The following GOLPH3 variants were observed in gnomAD, a reference collection of about 807,000 sequenced individuals.
GOLPH3 encodes coat protein GPP34.
In GOLPH3, 14 loss-of-function variants were observed where a neutral mutation model predicts 28.5. That is an observed-to-expected ratio of 0.49 (90% CI 0.32 to 0.77). GOLPH3 has a LOEUF of 0.77. Among genes scored for constraint, GOLPH3 ranks in the 30% least tolerant of loss-of-function variants. GOLPH3 has a pLI of 0.03. For missense variants in GOLPH3, 350 were observed against 393.7 expected, an observed-to-expected ratio of 0.89 and a Z score of 0.94; for synonymous variants, 158 against 159.2, an observed-to-expected ratio of 0.99 and a Z score of 0.06.
intron 1 of GOLPH3, among the ~76,000 whole-genome samples, chr5:32,144,464 C>T (rs1746147086): frequency 6.6e-6 from 1 of 152,166 alleles, no homozygotes; most frequent in South Asian, 2.1e-4. Context: ...GTGCTGCACA[C>T]CTGTAGTCGC....
chr5:32,143,169 T>G (rs1454708365), intron 2 of GOLPH3, among the ~76,000 whole-genome samples: 5 of 152,206 alleles, frequency 3.3e-5, no homozygotes, highest in Non-Finnish European at 7.3e-5. Flanking sequence ...CTGTGCTCTC[T>G]GAAACATGTG....
At chr5:32,131,168 A>G (rs1057192213) in intron 3 of GOLPH3, among the ~76,000 whole-genome samples, 4 of 152,236 alleles carry the variant, frequency 2.6e-5, no homozygotes, top group Non-Finnish European at 4.4e-5. Context: ...AGATCTCCTC[A>G]AGTATTAGAG....
At chr5:32,160,100 G>C (rs1251418801) in intron 1 of GOLPH3, among the ~76,000 whole-genome samples, 3 of 152,170 alleles carry the variant, frequency 2.0e-5, no homozygotes, top group African/African-American at 7.2e-5. Flanking sequence ...AAAATAGACT[G>C]AGGTGGGAGG....
At chr5:32,126,996 A>G (rs1320059373) in intron 3 of GOLPH3, among the ~76,000 whole-genome samples, 1 of 152,192 alleles carries the variant, frequency 6.6e-6, no homozygotes, top group African/African-American at 2.4e-5. Context: ...ATTAAACACC[A>G]GTCTGCAACT....
At chr5:32,163,898 G>T (rs1305065574) in intron 1 of GOLPH3, among the ~76,000 whole-genome samples, 1 of 151,962 alleles carries the variant, frequency 6.6e-6, no homozygotes, top group African/African-American at 2.4e-5. Context: ...TTGTTAATAC[G>T]GTATAAACTG....
Position 32,143,772 on chromosome 5 carries a change from G to C in GOLPH3, c.334C>G (p.Arg112Gly). The change falls in exon 2 of 4, where the codon CGT (arginine) becomes GGT (glycine). Residue 112 changes from arginine to glycine, a missense_variant. By Grantham distance (125) the Arg-to-Gly change is moderately radical. Coordinates refer to ENST00000265070, the MANE Select transcript of GOLPH3 (RefSeq NM_022130.4). ...ACCTTTCTTGTTAATAGACTTTTAC[G>C]TCTCATTCCACAAGCCTCTAGTTGT... ...RLQLEACGMRRKSLLTRKVIC... is the reference protein window; with the variant it reads ...RLQLEACGMRGKSLLTRKVIC... 4 of 1,605,294 alleles carry C rather than the reference G, an allele frequency of 2.5e-6. No individual in the cohort carries two copies. Among genetic ancestry groups the C allele is most frequent in the Non-Finnish European group, 3.4e-6 (4 of 1,177,438 alleles).
intron 2 of GOLPH3, among the ~76,000 whole-genome samples, chr5:32,141,444 A>G (rs77609500): frequency 0.013 from 2,034 of 152,350 alleles, 16 homozygotes; most frequent in Non-Finnish European, 0.023. Flanking sequence ...ACAGACCTTC[A>G]ACAGACAGGT....
chr5:32,137,908 T>G (rs944804957), intron 2 of GOLPH3, among the ~76,000 whole-genome samples: 29 of 9,250 alleles, frequency 3.1e-3, no homozygotes, highest in African/African-American at 6.3e-3. Flanking sequence ...CGGTTTTTTT[T>G]GTTTTTTTTT....
At chr5:32,130,720 T>G (rs966080032) in intron 3 of GOLPH3, among the ~76,000 whole-genome samples, 1 of 152,196 alleles carries the variant, frequency 6.6e-6, no homozygotes, top group African/African-American at 2.4e-5. Context: ...CCCCCTCCCC[T>G]ATACACACAT....
At chr5:32,151,949 T>C (rs1253022745) in intron 1 of GOLPH3, among the ~76,000 whole-genome samples, 1 of 152,152 alleles carries the variant, frequency 6.6e-6, no homozygotes, top group East Asian at 1.9e-4. Context: ...TCCCAGGGAC[T>C]GTGGAGAGAA....
chr5:32,153,417 CAGAA>C (rs1406330671), intron 1 of GOLPH3, among the ~76,000 whole-genome samples: 1 of 131,928 alleles, frequency 7.6e-6, no homozygotes, highest in Non-Finnish European at 1.6e-5. Flanking sequence ...GCACTGAAAA[CAGAA>C]AAAAAAAAAA....
In GOLPH3 at chr5:32,126,138, G is replaced by A; in HGVS notation, c.*74C>T. On this transcript the variant is annotated 3_prime_UTR_variant, in exon 4 of 4. Transcript: ENST00000265070. Reference sequence around the variant, plus strand: ...ATAGTGTGGGAAAGTACAAATTACAGAAAACCAGAAGTCAACAGAAGAAAA... The same window carrying A: ...ATAGTGTGGGAAAGTACAAATTACAAAAAACCAGAAGTCAACAGAAGAAAA... 1 of 1,440,062 alleles carries A rather than the reference G, an allele frequency of 6.9e-7. No individual in the cohort carries two copies. The highest frequency in any genetic ancestry group is 9.4e-7 in the Non-Finnish European group (1 of 1,061,472). The allele number at this position is 1,440,062 out of a possible 1,614,324, so 89.2% of individuals were successfully genotyped here. A position where few individuals can be genotyped will look rare whatever the true frequency, so the allele number is the denominator to read the frequency against.
At chr5:32,142,671 G>T (rs544289403) in intron 2 of GOLPH3, among the ~76,000 whole-genome samples, 81 of 141,976 alleles carry the variant, frequency 5.7e-4, no homozygotes, top group African/African-American at 2.2e-3. Context: ...CCCCAAGCCC[G>T]GCCAGCCGCC....
At chr5:32,158,564 C>G (rs933202275) in intron 1 of GOLPH3, among the ~76,000 whole-genome samples, 8 of 152,030 alleles carry the variant, frequency 5.3e-5, no homozygotes, top group Non-Finnish European at 1.2e-4. Flanking sequence ...GTATCATCAG[C>G]AAGTCCATCT....
intron 3 of GOLPH3, among the ~76,000 whole-genome samples, chr5:32,132,623 CAT>C (rs1267812965): frequency 6.6e-6 from 1 of 152,112 alleles, no homozygotes; most frequent in Non-Finnish European, 1.5e-5. Flanking sequence ...TTTCATAGCA[CAT>C]ATGTCATTAT....
chr5:32,131,989 T>C (rs1002728645), intron 3 of GOLPH3, among the ~76,000 whole-genome samples: 2 of 152,092 alleles, frequency 1.3e-5, no homozygotes, highest in Non-Finnish European at 2.9e-5. Context: ...ACCCCATCTC[T>C]ACAAAAAAAT....
intron 1 of GOLPH3, among the ~76,000 whole-genome samples, chr5:32,156,889 G>C (rs1360081062): frequency 6.6e-6 from 1 of 152,156 alleles, no homozygotes; most frequent in Admixed American, 6.5e-5. Context: ...CCGGAGATTA[G>C]AGATCCTTGG....
At chr5:32,152,415 G>A (rs1193076486) in intron 1 of GOLPH3, among the ~76,000 whole-genome samples, 1 of 142,328 alleles carries the variant, frequency 7.0e-6, no homozygotes, top group African/African-American at 2.6e-5. Flanking sequence ...ATGAGCCACC[G>A]CGCCTGCCCC....
At chr5:32,135,148 G>T (rs1233252713) in intron 3 of GOLPH3, among the ~76,000 whole-genome samples, 1 of 152,210 alleles carries the variant, frequency 6.6e-6, no homozygotes, top group Non-Finnish European at 1.5e-5. Context: ...TATAGTGACT[G>T]ATACTGCTCC....
Sources: gnomAD v4.1 joint callset for allele counts (sites outside exome capture counted in the v4.1 genomes callset) on GRCh38, gnomAD v4.1.1 for gene constraint, MANE v1.5 for transcripts, NCBI Gene and HGNC (gene_info 2026-07-23, HGNC 2026-07-21) for gene names.